The following PEAK1 variants were observed in gnomAD, a reference collection of about 807,000 sequenced individuals.
PEAK1 encodes the protein pseudopodium enriched atypical kinase 1, also known as inactive tyrosine-protein kinase PEAK1.
A neutral mutation model predicts 124.7 loss-of-function variants in PEAK1; 54 were observed. That is an observed-to-expected ratio of 0.43 (90% CI 0.35 to 0.54). The LOEUF (loss-of-function observed/expected upper bound fraction) is 0.54. Among genes scored for constraint, PEAK1 ranks in the 20% least tolerant of loss-of-function variants. The probability of loss-of-function intolerance (pLI) is 0.01; values close to 1 mark genes in which losing one functional copy is unlikely to be tolerated. For synonymous variants in PEAK1, 719 were observed against 760.0 expected (o/e 0.95, Z 0.89); for missense variants, 2,046 against 2,134.5 (o/e 0.96, Z 0.82).
At chr15:77,177,596 T>C (rs2056963027) in intron 7 of PEAK1, among the ~76,000 whole-genome samples, 1 of 152,030 alleles carries the variant, frequency 6.6e-6, no homozygotes, top group South Asian at 2.1e-4. Context: ...GCTATGTTTG[T>C]AAGAAAGAAG....
chr15:77,192,838 A>G (rs1418458836), intron 6 of PEAK1, among the ~76,000 whole-genome samples: 3 of 151,242 alleles, frequency 2.0e-5, no homozygotes, highest in Non-Finnish European at 4.4e-5. Context: ...CTTTTTTTTT[A>G]AATGAAAAAA....
intron 9 of PEAK1, among the ~76,000 whole-genome samples, 153 bp downstream of exon 9, chr15:77,132,852 C>T (rs896011566): frequency 5.3e-5 from 8 of 151,568 alleles, no homozygotes; most frequent in African/African-American, 1.9e-4. Context: ...AATAAATAAG[C>T]CCCCTGCTTA....
intron 4 of PEAK1, among the ~76,000 whole-genome samples, chr15:77,284,719 T>C (rs2062833218): frequency 2.0e-5 from 3 of 152,176 alleles, no homozygotes; most frequent in South Asian, 4.1e-4. Flanking sequence ...GAGCTCAGAC[T>C]AAATTGTCCA....
At chr15:77,143,116 T>C (rs2053912951) in intron 8 of PEAK1, among the ~76,000 whole-genome samples, 1 of 152,232 alleles carries the variant, frequency 6.6e-6, no homozygotes, top group African/African-American at 2.4e-5. Flanking sequence ...GAATGTTTCC[T>C]GTGATGGTGG....
chr15:77,226,731 G>T (rs1243978625), intron 6 of PEAK1, among the ~76,000 whole-genome samples: 2 of 152,100 alleles, frequency 1.3e-5, no homozygotes, highest in African/African-American at 2.4e-5. Context: ...GAAAACTGAG[G>T]ATAATGTCAT....
chr15:77,333,560 T>C (rs1254346641), intron 2 of PEAK1: 1 of 900,098 alleles, frequency 1.1e-6, no homozygotes, highest in East Asian at 1.2e-4. Context: ...TTTCCTTATG[T>C]TTTTATTCTA....
intron 1 of PEAK1, among the ~76,000 whole-genome samples, chr15:77,412,850 T>C (rs1595884783): frequency 6.6e-6 from 1 of 151,854 alleles, no homozygotes; most frequent in Non-Finnish European, 1.5e-5. Context: ...TGCATGTACA[T>C]ACGCATAAAA....
In PEAK1 at chr15:77,283,884, T is replaced by G. The variant is rs959433641; in HGVS notation, c.-276A>C. On this transcript the variant is annotated splice_region_variant and 5_prime_UTR_variant, in exon 5 of 10. Transcript: ENST00000682557. Reference sequence around the variant, plus strand: ...CCTTATTACTTGCCACTTCCTTACCTCTTTGTTACTGTTATTTATATAGCT... The same window carrying G: ...CCTTATTACTTGCCACTTCCTTACCGCTTTGTTACTGTTATTTATATAGCT... 1 of 980,316 alleles carries G rather than the reference T, an allele frequency of 1.0e-6. No individual in the cohort carries two copies. Among genetic ancestry groups the G allele is most frequent in the Non-Finnish European group, 1.2e-6 (1 of 825,190 alleles). 60.7% of individuals were successfully genotyped at this position (980,316 alleles called of 1,614,324 possible).
intron 6 of PEAK1, among the ~76,000 whole-genome samples, chr15:77,226,834 A>G (rs1005946313): frequency 6.6e-6 from 1 of 152,144 alleles, no homozygotes; most frequent in Non-Finnish European, 1.5e-5. Flanking sequence ...ATAACGTATT[A>G]CCACCCCTAT....
chr15:77,339,994 G>T (rs1309947848), intron 2 of PEAK1, among the ~76,000 whole-genome samples: 1 of 152,186 alleles, frequency 6.6e-6, no homozygotes, highest in East Asian at 1.9e-4. Flanking sequence ...AACACCAAAT[G>T]CTGGCAAAGA....
chr15:77,160,398 C>A lies in PEAK1; in HGVS notation c.3138-1702G>T, dbSNP rs2055528797. Among the ~76,000 whole-genome samples, 3 of 152,190 alleles carry A rather than the reference C, an allele frequency of 2.0e-5. 1 individual carries two copies. The South Asian group carries it at 6.2e-4, about 31-fold the overall frequency. On this transcript the variant is annotated intron_variant, in intron 7 of 9. Coordinates refer to ENST00000682557, the MANE Select transcript of PEAK1 (RefSeq NM_001385026.1). ...TCCCTTAAAAATATCAGCCCCCTGG[C>A]CAGGTTCAGTGGCTCGCACCTGTAA...
chr15:77,175,549 T>C (rs557915681), intron 7 of PEAK1, among the ~76,000 whole-genome samples: 1 of 151,824 alleles, frequency 6.6e-6, no homozygotes, highest in African/African-American at 2.4e-5. Flanking sequence ...AAAACCACAA[T>C]GAGATACCAT....
rs559455662 is a variant in PEAK1, at chr15:77,109,883, T to A, written c.*4273A>T. On this transcript the variant is annotated 3_prime_UTR_variant, in exon 10 of 10. Coordinates refer to ENST00000682557, the MANE Select transcript of PEAK1 (RefSeq NM_001385026.1). ...ACTATATTTACACATCTAGAATCAT[T>A]TGAAATATAGTGTAGTATCCTAAAT... The A allele has an allele frequency of 6.6e-6, 1 of 152,342 alleles. No individual in the cohort carries two copies. Among genetic ancestry groups the A allele is most frequent in the African/African-American group, 2.4e-5 (1 of 41,576 alleles). 9.4% of individuals were successfully genotyped at this position (152,342 alleles called of 1,614,324 possible).
chr15:77,229,861 G>A (rs1239654305), intron 6 of PEAK1, among the ~76,000 whole-genome samples: 1 of 151,972 alleles, frequency 6.6e-6, no homozygotes, highest in African/African-American at 2.4e-5. Context: ...TGGTCAGGCT[G>A]GTCTCACACT....
At chr15:77,352,946 TCTC>T in intron 2 of PEAK1, 1 of 985,382 alleles carries the variant, frequency 1.0e-6, no homozygotes, top group South Asian at 4.7e-5. Flanking sequence ...GTACTGCTCT[TCTC>T]ATTAGCTACA....
intron 9 of PEAK1, among the ~76,000 whole-genome samples, chr15:77,128,222 T>C (rs1596282785): frequency 6.6e-6 from 1 of 152,312 alleles, no homozygotes; most frequent in Non-Finnish European, 1.5e-5. Context: ...AATGGGATTA[T>C]ACCAGCAAAG....
intron 9 of PEAK1, among the ~76,000 whole-genome samples, chr15:77,132,038 C>G (rs144297511): frequency 6.6e-6 from 1 of 152,182 alleles, no homozygotes; most frequent in African/African-American, 2.4e-5. Flanking sequence ...CATAACAGAC[C>G]TCATATTTTT....
At chr15:77,417,463 G>GGGGGGGGGGGGGGC in intron 1 of PEAK1, 1 of 855,820 alleles carries the variant, frequency 1.2e-6, no homozygotes, top group Non-Finnish European at 1.4e-6. Context: ...GCGGGGCGGG[G>GGGGGGGGGGGGGGC]GGGGAGGGGG....
At chr15:77,299,338 G>T (rs2063671137) in intron 2 of PEAK1, among the ~76,000 whole-genome samples, 1 of 152,136 alleles carries the variant, frequency 6.6e-6, no homozygotes, top group Non-Finnish European at 1.5e-5. Context: ...TTCAAGAATG[G>T]TTTTTTCCCC....
Sources: allele counts gnomAD v4.1 joint callset (sites outside exome capture counted in the v4.1 genomes callset), GRCh38; gene constraint gnomAD v4.1.1; transcripts MANE v1.5; gene names NCBI Gene and HGNC (gene_info 2026-07-23, HGNC 2026-07-21).